ALDH1A1: variants seen among roughly 807,000 people sequenced by gnomAD.
ALDH1A1 encodes aldehyde dehydrogenase 1 family member A1.
A neutral mutation model predicts 62.1 loss-of-function variants in ALDH1A1; 19 were observed. That is an observed-to-expected ratio of 0.31 (90% CI 0.21 to 0.45). The LOEUF is 0.45. Among genes scored for constraint, ALDH1A1 ranks in the 20% least tolerant of loss-of-function variants. The pLI, the probability that ALDH1A1 is intolerant of heterozygous loss-of-function variation, is 1.00. For synonymous variants in ALDH1A1, 231 were observed against 215.9 expected (o/e 1.07, Z -0.61); for missense variants, 521 against 607.1 (o/e 0.86, Z 1.49).
At chr9:72,922,579 A>G (rs962621008) in intron 7 of ALDH1A1, among the ~76,000 whole-genome samples, 6 of 152,128 alleles carry the variant, frequency 3.9e-5, no homozygotes, top group Admixed American at 3.9e-4. Context: ...CAAAAAATAC[A>G]CTAACAGTAA....
intron 1 of ALDH1A1, among the ~76,000 whole-genome samples, chr9:72,944,806 A>C (rs925901112): frequency 3.9e-5 from 6 of 152,112 alleles, no homozygotes; most frequent in African/African-American, 1.4e-4. Flanking sequence ...TTTTGGACTT[A>C]GGTGACTTTT....
Position 72,903,136 on chromosome 9 carries a change from C to G in ALDH1A1, c.1434-1856G>C, listed in dbSNP as rs180871661. 1.4e-4 allele frequency among the ~76,000 whole-genome samples: 21 copies of G among 152,144 alleles called. No individual in the cohort carries two copies. The East Asian group carries it at 4.1e-3, about 29-fold the overall frequency. Reference sequence around the variant, plus strand: ...CTCACTATACGACCATTAGTTTACACTTCCTTGCTCCCTTTTCTATGGGAC... The same window carrying G: ...CTCACTATACGACCATTAGTTTACAGTTCCTTGCTCCCTTTTCTATGGGAC... On this transcript the variant is annotated intron_variant, in intron 12 of 12. Transcript: ENST00000297785.
chr9:72,943,842 C>T (rs534837511), intron 1 of ALDH1A1, among the ~76,000 whole-genome samples: 20 of 152,036 alleles, frequency 1.3e-4, no homozygotes, highest in African/African-American at 4.8e-4. Flanking sequence ...GAATTAAAGA[C>T]TGTGGAGCAA....
chr9:72,932,253 G>C (rs348462), intron 2 of ALDH1A1, among the ~76,000 whole-genome samples: 57,857 of 151,902 alleles, frequency 0.38, 11,983 homozygotes, highest in African/African-American at 0.54. Flanking sequence ...TTGGGGGAGA[G>C]AAAAAGTAAT....
intron 7 of ALDH1A1, among the ~76,000 whole-genome samples, chr9:72,920,020 G>T (rs1408361045): frequency 1.3e-5 from 2 of 151,644 alleles, no homozygotes; most frequent in African/African-American, 4.8e-5. Context: ...CATGTTCTTT[G>T]CCTTTCTTTT....
chr9:72,951,453 G>A (rs2118589490), intron 1 of ALDH1A1, among the ~76,000 whole-genome samples: 1 of 151,756 alleles, frequency 6.6e-6, no homozygotes, highest in South Asian at 2.1e-4. Flanking sequence ...CAAAGCCAAA[G>A]GAGTGGGGAG....
intron 6 of ALDH1A1, among the ~76,000 whole-genome samples, chr9:72,925,092 C>A (rs1830187777): frequency 6.6e-6 from 1 of 152,196 alleles, no homozygotes; most frequent in African/African-American, 2.4e-5. Flanking sequence ...CCCTTTCAAC[C>A]TTACATAGAT....
chr9:72,939,553 T>TC (rs1830389721), intron 2 of ALDH1A1, among the ~76,000 whole-genome samples: 2 of 151,480 alleles, frequency 1.3e-5, no homozygotes, highest in African/African-American at 2.4e-5. Flanking sequence ...TCCTTTTCTT[T>TC]TTTTTTTTGG....
chr9:72,925,346 G>T (rs530558923), intron 6 of ALDH1A1, 138 bp downstream of exon 6: 3 of 978,096 alleles, frequency 3.1e-6, no homozygotes, highest in African/African-American at 1.7e-5. Context: ...GCAGCCAGCC[G>T]TCATGCTAAA....
At chr9:72,926,691 A>G (rs992250112) in intron 5 of ALDH1A1, among the ~76,000 whole-genome samples, 9 of 152,258 alleles carry the variant, frequency 5.9e-5, no homozygotes, top group Non-Finnish European at 8.8e-5. Context: ...ACTGTTCTGC[A>G]TGATGAGATG....
intron 1 of ALDH1A1, among the ~76,000 whole-genome samples, chr9:72,940,992 C>T (rs1415075264): frequency 1.3e-5 from 2 of 152,254 alleles, no homozygotes; most frequent in Non-Finnish European, 2.9e-5. Context: ...TCAGTTTCAA[C>T]TTTCATGTCA....
chr9:72,915,638 C>G (rs348457), intron 9 of ALDH1A1, among the ~76,000 whole-genome samples: 65,723 of 151,958 alleles, frequency 0.43, 14,273 homozygotes, highest in East Asian at 0.52. Flanking sequence ...TATTACCTCA[C>G]TTGCCGCTTA....
chr9:72,924,603 A>G (rs1325691039), intron 6 of ALDH1A1, among the ~76,000 whole-genome samples: 1 of 152,150 alleles, frequency 6.6e-6, no homozygotes, highest in African/African-American at 2.4e-5. Context: ...TACTTAGTAA[A>G]TTGTTAAGTA....
chr9:72,937,841 T>TAAAG (rs1588142929), intron 2 of ALDH1A1, among the ~76,000 whole-genome samples: 1 of 152,220 alleles, frequency 6.6e-6, no homozygotes, highest in East Asian at 1.9e-4. Flanking sequence ...GGTGAACTCT[T>TAAAG]CAGTATAAAG....
intron 11 of ALDH1A1, among the ~76,000 whole-genome samples, chr9:72,908,611 GAAAGAAAGAAAGA>G (rs1274606791): frequency 3.8e-4 from 47 of 122,720 alleles, no homozygotes; most frequent in South Asian, 2.5e-3. Context: ...AAGAAAGAAA[GAAAGAAAGAAAGA>G]AAGAGAATAT....
At chr9:72,931,492 T>A (rs1419456222) in intron 2 of ALDH1A1, among the ~76,000 whole-genome samples, 1 of 152,218 alleles carries the variant, frequency 6.6e-6, no homozygotes, top group Non-Finnish European at 1.5e-5. Flanking sequence ...TTGTAGAATC[T>A]TTGCTGTTTA....
At chr9:72,904,649 T>G (rs1261588029) in intron 12 of ALDH1A1, among the ~76,000 whole-genome samples, 2 of 152,144 alleles carry the variant, frequency 1.3e-5, no homozygotes, top group Non-Finnish European at 2.9e-5. Flanking sequence ...ATCTATTTTC[T>G]TCTTCCACTC....
intron 7 of ALDH1A1, 106 bp from the exon 8 acceptor site, chr9:72,918,928 T>C (rs1019450121): frequency 2.3e-5 from 18 of 780,422 alleles, no homozygotes; most frequent in Middle Eastern, 4.9e-4. Flanking sequence ...AAAATTTCAT[T>C]TGGGAGAAAC....
At chr9:72,917,625 C>A (rs1462508128) in intron 8 of ALDH1A1, among the ~76,000 whole-genome samples, 3 of 152,128 alleles carry the variant, frequency 2.0e-5, no homozygotes, top group African/African-American at 7.2e-5. Context: ...TACTCAGAAT[C>A]ACTCACTCAC....
Sources: allele counts gnomAD v4.1 joint callset (sites outside exome capture counted in the v4.1 genomes callset), GRCh38; gene constraint gnomAD v4.1.1; transcripts MANE v1.5; gene names NCBI Gene and HGNC (gene_info 2026-07-23, HGNC 2026-07-21).